PIGBOS1: variants seen among roughly 807,000 people sequenced by gnomAD.
PIGBOS1 encodes protein PIGBOS1.
Position 55,317,281 on chromosome 15 carries a change from T to C in PIGBOS1, c.*347A>G, listed in dbSNP as rs1025483724. ...AATTAAATGGAACTTTAAGCAATTATTACAGTTCATCTCCATGAGGTATTT... is the reference window on the plus strand; with the variant it reads ...AATTAAATGGAACTTTAAGCAATTACTACAGTTCATCTCCATGAGGTATTT... On this transcript the variant is annotated 3_prime_UTR_variant, in exon 2 of 2. Coordinates refer to ENST00000436697, the MANE Select transcript of PIGBOS1 (RefSeq NM_001308421.2). 7.8e-5 allele frequency: 12 copies of C among 154,692 alleles called. No individual in the cohort carries two copies. Among genetic ancestry groups the C allele is most frequent in the African/African-American group, 2.9e-4 (12 of 41,594 alleles). The allele number at this position is 154,692 out of a possible 1,614,324, so 9.6% of individuals were successfully genotyped here.
At chr15:55,318,726 A>AT (rs1555402175) in intron 1 of PIGBOS1, 138 bp downstream of exon 1, 1 of 43,834 alleles carries the variant, frequency 2.3e-5, no homozygotes, top group Non-Finnish European at 3.4e-5. Flanking sequence ...AAACAAAAAC[A>AT]AAAAAAAAAC....
At chr15:55,318,468 G>C (rs2055081359) in intron 1 of PIGBOS1, among the ~76,000 whole-genome samples, 1 of 149,918 alleles carries the variant, frequency 6.7e-6, no homozygotes, top group East Asian at 2.1e-4. Context: ...ACTTTGGGAG[G>C]CCGAGGCGGG....
rs1192229994 is a variant in PIGBOS1, at chr15:55,317,820, AG to A, written c.-29del. 2.5e-6 allele frequency: 1 copy of A among 397,378 alleles called. No individual in the cohort carries two copies. Among genetic ancestry groups the A allele is most frequent in the African/African-American group, 2.1e-5 (1 of 48,608 alleles). The allele number at this position is 397,378 out of a possible 1,614,324, so 24.6% of individuals were successfully genotyped here. A position where few individuals can be genotyped will look rare whatever the true frequency, so the allele number is the denominator to read the frequency against. ...CTGCAACAAATACAGCTCAAGGAAA[AG>A]CTGGTTTTGGAAAGTCACACTCCAC... is the stretch of plus-strand genomic sequence containing the variant. On this transcript the variant is annotated 5_prime_UTR_variant, in exon 2 of 2. Coordinates refer to ENST00000436697, the MANE Select transcript of PIGBOS1 (RefSeq NM_001308421.2).
In PIGBOS1 at chr15:55,317,776, G is replaced by C. The variant is rs1046035595; in HGVS notation, c.17C>G (p.Thr6Ser). ...AGTGGCAAAAAGCAGTTGTGCAAAA[G>C]TCAATCTCCTAAACATTGCTGCAAC... MFRRL[T>S]FAQLLFATVL... The change falls in exon 2 of 2, where the codon ACT (threonine) becomes AGT (serine). Residue 6 changes from threonine to serine, a missense_variant. Coordinates refer to ENST00000436697, the MANE Select transcript of PIGBOS1 (RefSeq NM_001308421.2). The C allele has an allele frequency of 7.5e-6, 3 of 398,310 alleles. No homozygotes were observed. The highest frequency in any genetic ancestry group is 8.9e-6 in the Non-Finnish European group (2 of 225,940). The allele number at this position is 398,310 out of a possible 1,614,324, so 24.7% of individuals were successfully genotyped here. A position where few individuals can be genotyped will look rare whatever the true frequency, so the allele number is the denominator to read the frequency against.
chr15:55,318,601 T>C (rs533389738), intron 1 of PIGBOS1, among the ~76,000 whole-genome samples: 32 of 150,024 alleles, frequency 2.1e-4, no homozygotes, highest in African/African-American at 7.6e-4. Context: ...ACTTGGGAGC[T>C]GAGGCAGGAA....
chr15:55,317,778 C>CA lies in PIGBOS1; in HGVS notation c.14dup (p.Leu5PhefsTer26). On this transcript the variant is annotated frameshift_variant, in exon 2 of 2. Coordinates refer to ENST00000436697, the MANE Select transcript of PIGBOS1 (RefSeq NM_001308421.2). LOFTEE classifies it high-confidence loss of function. ...TGGCAAAAAGCAGTTGTGCAAAAGT[C>CA]AATCTCCTAAACATTGCTGCAACAA... 1 of 398,384 alleles carries CA rather than the reference C, an allele frequency of 2.5e-6. No homozygotes were observed. The highest frequency in any genetic ancestry group is 4.4e-6 in the Non-Finnish European group (1 of 225,918). The allele number at this position is 398,384 out of a possible 1,614,324, so 24.7% of individuals were successfully genotyped here.
chr15:55,318,369 A>T (rs1418763564), intron 1 of PIGBOS1, among the ~76,000 whole-genome samples: 5 of 149,944 alleles, frequency 3.3e-5, no homozygotes, highest in African/African-American at 1.2e-4. Flanking sequence ...AGTACTGGGA[A>T]TACAGGCGTG....
intron 1 of PIGBOS1, among the ~76,000 whole-genome samples, chr15:55,318,103 T>C (rs1485175375): frequency 6.7e-6 from 1 of 149,374 alleles, no homozygotes; most frequent in East Asian, 2.0e-4. Flanking sequence ...TTTTTCTTTT[T>C]TTTTTTTTTT....
At position 55,317,624 on chromosome 15, in the gene PIGBOS1, A is replaced by G. The variant is rs2055059624; in HGVS notation, c.*4T>C. 1 of 397,862 alleles carries G rather than the reference A, an allele frequency of 2.5e-6. No homozygotes were observed. Among genetic ancestry groups the G allele is most frequent in the East Asian group, 3.6e-5 (1 of 28,038 alleles). The allele number at this position is 397,862 out of a possible 1,614,324, so 24.6% of individuals were successfully genotyped here. A position where few individuals can be genotyped will look rare whatever the true frequency, so the allele number is the denominator to read the frequency against. On this transcript the variant is annotated 3_prime_UTR_variant, in exon 2 of 2. Transcript: ENST00000436697. ...CACTGCGCCAGGCCTAACTCCATGT[A>G]GTATTAACTTTTCTTCTCTTCTGAT...
chr15:55,318,375 G>A (rs1465313798), intron 1 of PIGBOS1, among the ~76,000 whole-genome samples: 1 of 150,420 alleles, frequency 6.6e-6, no homozygotes, highest in Non-Finnish European at 1.5e-5. Context: ...GGGAATACAG[G>A]CGTGAGCCAC....
chr15:55,319,091 C>T lies in PIGBOS1; in HGVS notation c.-303G>A. ...CGGTTCGGAAACGGCGAAAGGAAAC[C>T]GCAAGGAGGCCACCACGTCGGGTGG... is the stretch of plus-strand genomic sequence containing the variant. On this transcript the variant is annotated 5_prime_UTR_variant, in exon 1 of 2. Transcript: ENST00000436697. The T allele has an allele frequency of 1.2e-6, 1 of 849,102 alleles. No individual in the cohort carries two copies. Among genetic ancestry groups the T allele is most frequent in the South Asian group, 2.0e-5 (1 of 49,884 alleles). 52.6% of individuals were successfully genotyped at this position (849,102 alleles called of 1,614,324 possible).
intron 1 of PIGBOS1, among the ~76,000 whole-genome samples, chr15:55,318,273 A>G (rs2055075863): frequency 6.7e-6 from 1 of 149,644 alleles, no homozygotes; most frequent in Non-Finnish European, 1.5e-5. Flanking sequence ...AATTTTTTGT[A>G]TTTTTTGTAG....
chr15:55,319,001 C>A lies in PIGBOS1; in HGVS notation c.-213G>T. 6.4e-6 allele frequency: 3 copies of A among 468,368 alleles called. No individual in the cohort carries two copies. The South Asian group carries it at 9.2e-5, about 14-fold the overall frequency. 29.0% of individuals were successfully genotyped at this position (468,368 alleles called of 1,614,324 possible). A position where few individuals can be genotyped will look rare whatever the true frequency, so the allele number is the denominator to read the frequency against. On this transcript the variant is annotated 5_prime_UTR_variant, in exon 1 of 2. Coordinates refer to ENST00000436697, the MANE Select transcript of PIGBOS1 (RefSeq NM_001308421.2). ...CCTGCTCCCCTCCAGAGACCGGGGG[C>A]CTTCCAGCAGTTTTCGGACCCCCGA...
In PIGBOS1 at chr15:55,317,414, A is replaced by C. The variant is rs1396111884; in HGVS notation, c.*214T>G. On this transcript the variant is annotated 3_prime_UTR_variant, in exon 2 of 2. Coordinates refer to ENST00000436697, the MANE Select transcript of PIGBOS1 (RefSeq NM_001308421.2). Reference sequence around the variant, plus strand: ...ACTGCCACCTCTGCCTCCCAGGTTCAAGTGATGCTCCTGCCTCAGCCTCCC... The same window carrying C: ...ACTGCCACCTCTGCCTCCCAGGTTCCAGTGATGCTCCTGCCTCAGCCTCCC... 4.3e-6 allele frequency: 1 copy of C among 233,718 alleles called. No homozygotes were observed. Among genetic ancestry groups the C allele is most frequent in the Non-Finnish European group, 8.2e-6 (1 of 121,488 alleles). 14.5% of individuals were successfully genotyped at this position (233,718 alleles called of 1,614,324 possible). A position where few individuals can be genotyped will look rare whatever the true frequency, so the allele number is the denominator to read the frequency against.
At position 55,319,023 on chromosome 15, in the gene PIGBOS1, C is replaced by T. The variant is rs1034451326; in HGVS notation, c.-235G>A. ...GGGCCTTCCAGCAGTTTTCGGACCC[C>T]CGAGCACAGAGACCGCCAAGCCAAA... On this transcript the variant is annotated 5_prime_UTR_variant, in exon 1 of 2. Coordinates refer to ENST00000436697, the MANE Select transcript of PIGBOS1 (RefSeq NM_001308421.2). 3.8e-6 allele frequency: 2 copies of T among 532,348 alleles called. No homozygotes were observed. Among genetic ancestry groups the T allele is most frequent in the African/African-American group, 3.9e-5 (2 of 51,676 alleles). 33.0% of individuals were successfully genotyped at this position (532,348 alleles called of 1,614,324 possible).
Position 55,317,772 on chromosome 15 carries a change from A to C in PIGBOS1, c.21T>G (p.Phe7Leu). Reference protein sequence around the residue: MFRRLTFAQLLFATVLG... With the variant: MFRRLTLAQLLFATVLG... ...GGACAGTGGCAAAAAGCAGTTGTGCAAAAGTCAATCTCCTAAACATTGCTG... is the reference window on the plus strand; with the variant it reads ...GGACAGTGGCAAAAAGCAGTTGTGCCAAAGTCAATCTCCTAAACATTGCTG... Residue 7 changes from phenylalanine to leucine, a missense_variant, in exon 2 of 2, where the codon TTT becomes TTG. Phe to Leu is a conservative substitution (Grantham distance 22). Transcript: ENST00000436697. 2 of 398,514 alleles carry C rather than the reference A, an allele frequency of 5.0e-6. No homozygotes were observed. Among genetic ancestry groups the C allele is most frequent in the Non-Finnish European group, 8.9e-6 (2 of 225,978 alleles). 24.7% of individuals were successfully genotyped at this position (398,514 alleles called of 1,614,324 possible).
At chr15:55,318,265 T>C (rs924876820) in intron 1 of PIGBOS1, among the ~76,000 whole-genome samples, 4 of 150,108 alleles carry the variant, frequency 2.7e-5, no homozygotes, top group Admixed American at 2.0e-4. Context: ...ACCCGGCTAA[T>C]TTTTTGTATT....
chr15:55,318,504 A>C (rs2055082546), intron 1 of PIGBOS1, among the ~76,000 whole-genome samples: 2 of 149,704 alleles, frequency 1.3e-5, no homozygotes, highest in Non-Finnish European at 3.0e-5. Flanking sequence ...GGAGTTCCAG[A>C]CCAGCCAGGC....
In PIGBOS1 at chr15:55,317,487, G is replaced by T; in HGVS notation, c.*141C>A. 3.2e-6 allele frequency: 1 copy of T among 311,710 alleles called. No individual in the cohort carries two copies. Among genetic ancestry groups the T allele is most frequent in the Non-Finnish European group, 5.9e-6 (1 of 170,662 alleles). The allele number at this position is 311,710 out of a possible 1,614,324, so 19.3% of individuals were successfully genotyped here. A position where few individuals can be genotyped will look rare whatever the true frequency, so the allele number is the denominator to read the frequency against. ...ATGCCACCAAGCCTGGCTGATTTTT[G>T]TATTTTCAGTAGAGACAGGGTTTCA... On this transcript the variant is annotated 3_prime_UTR_variant, in exon 2 of 2. Transcript: ENST00000436697.
Sources: gnomAD v4.1 joint callset for allele counts (sites outside exome capture counted in the v4.1 genomes callset) on GRCh38, gnomAD v4.1.1 for gene constraint, MANE v1.5 for transcripts, NCBI Gene and HGNC (gene_info 2026-07-23, HGNC 2026-07-21) for gene names.